Variants in SPECC1L observed in about 807,000 individuals in gnomAD.
SPECC1L encodes cytospin-A.
Under a neutral mutation model 116.8 loss-of-function variants are expected in SPECC1L, and 40 were observed. That is an observed-to-expected ratio of 0.34 (90% CI 0.27 to 0.45). The LOEUF is 0.45. Ranked by LOEUF, SPECC1L falls within the 20% of genes least tolerant of loss-of-function variation. The pLI is 1.00. For synonymous variants in SPECC1L, 504 were observed against 500.6 expected (o/e 1.01, Z -0.09); for missense variants, 1,110 against 1,373.6 (o/e 0.81, Z 3.03).
At chr22:24,403,291 T>G (rs2042516567) in intron 14 of SPECC1L, among the ~76,000 whole-genome samples, 1 of 152,192 alleles carries the variant, frequency 6.6e-6, no homozygotes, top group Non-Finnish European at 1.5e-5. Flanking sequence ...TCTCGTAGAG[T>G]AGAAAAGCTC....
chr22:24,381,862 C>T lies in SPECC1L; in HGVS notation c.3087+12542C>T, dbSNP rs1399544199. Among the ~76,000 whole-genome samples, 3 of 152,044 alleles carry T rather than the reference C, an allele frequency of 2.0e-5. No homozygotes were observed. In the East Asian group the frequency reaches 5.8e-4, roughly 29 times the overall value. ...TCGCACCACTGCACTCCAGTCTGGG[C>T]GACAGAGCGAGACTCTGTCTCAAAA... On this transcript the variant is annotated intron_variant, in intron 14 of 16. Transcript: ENST00000314328.
At chr22:24,361,496 A>G (rs1279766123) in intron 11 of SPECC1L, among the ~76,000 whole-genome samples, 1 of 152,218 alleles carries the variant, frequency 6.6e-6, no homozygotes, top group African/African-American at 2.4e-5. Context: ...TACTGAAAAT[A>G]CAGAAACAAG....
chr22:24,403,843 C>T (rs1324444826), intron 14 of SPECC1L, among the ~76,000 whole-genome samples: 2 of 152,156 alleles, frequency 1.3e-5, no homozygotes, highest in Non-Finnish European at 2.9e-5. Context: ...ATTTCATTTG[C>T]GAGGCATACG....
At chr22:24,392,970 TGTG>T (rs753002308) in intron 14 of SPECC1L, among the ~76,000 whole-genome samples, 11 of 152,160 alleles carry the variant, frequency 7.2e-5, no homozygotes, top group African/African-American at 2.4e-4. Context: ...TTCCTCAAAA[TGTG>T]GTGGCCACAT....
At chr22:24,305,924 CT>C (rs954188922) in intron 3 of SPECC1L, among the ~76,000 whole-genome samples, 1,950 of 144,320 alleles carry the variant, frequency 0.014, 10 homozygotes, top group South Asian at 0.026. Context: ...TTCATACAAT[CT>C]TTTTTTTTTT....
At chr22:24,395,784 A>G (rs922630290) in intron 14 of SPECC1L, among the ~76,000 whole-genome samples, 2 of 152,134 alleles carry the variant, frequency 1.3e-5, no homozygotes, top group African/African-American at 4.8e-5. Flanking sequence ...ATCAACAGGC[A>G]TGCACCACCA....
intron 14 of SPECC1L, among the ~76,000 whole-genome samples, chr22:24,382,116 G>A (rs2085179310): frequency 6.6e-6 from 1 of 152,166 alleles, no homozygotes. Flanking sequence ...TGTAAAAACT[G>A]TTTAAAATAC....
rs149735886 is a variant in SPECC1L at position 24,414,515 on chromosome 22, C to T, written c.3265-19C>T. 95 of 1,610,808 alleles carry T rather than the reference C, an allele frequency of 5.9e-5. No individual in the cohort carries two copies. In the Middle Eastern group the frequency reaches 6.6e-4, roughly 11 times the overall value. On this transcript the variant is annotated intron_variant, in intron 16 of 16. Transcript: ENST00000314328. ...GAGGTGACCTGCAGTTCTAACCAAG[C>T]GTCTTCCTTGTCTGTCAGGACATTA... is the stretch of plus-strand genomic sequence containing the variant.
chr22:24,285,649 T>G (rs2049028774), intron 2 of SPECC1L, among the ~76,000 whole-genome samples: 1 of 151,872 alleles, frequency 6.6e-6, no homozygotes, highest in Non-Finnish European at 1.5e-5. Context: ...TGTTGTTTTG[T>G]TTTGTTTTTT....
intron 14 of SPECC1L, among the ~76,000 whole-genome samples, chr22:24,409,634 A>G (rs1314033536): frequency 6.6e-6 from 1 of 152,186 alleles, no homozygotes; most frequent in Non-Finnish European, 1.5e-5. Flanking sequence ...GCCTGGAGAC[A>G]AAGTGAGATC....
intron 14 of SPECC1L, among the ~76,000 whole-genome samples, chr22:24,384,089 G>A (rs1464475347): frequency 1.3e-5 from 2 of 151,638 alleles, no homozygotes; most frequent in East Asian, 1.9e-4. Context: ...GTGAAGCACC[G>A]AGAAATGAAA....
rs1043734920 is a variant in SPECC1L at position 24,331,595 on chromosome 22, A to G, written c.2396+1164A>G. 4.6e-5 allele frequency among the ~76,000 whole-genome samples: 7 copies of G among 152,212 alleles called. No individual in the cohort carries two copies. The South Asian group carries it at 6.2e-4, about 14-fold the overall frequency. On this transcript the variant is annotated intron_variant, in intron 8 of 16. Transcript: ENST00000314328. ...TAAAATGCTTTCTGAAAGAGGTAGCATCTTGTAGGACAGTGGTTCTCAGAG... is the reference window on the plus strand; with the variant it reads ...TAAAATGCTTTCTGAAAGAGGTAGCGTCTTGTAGGACAGTGGTTCTCAGAG...
chr22:24,337,034 C>T (rs948884065), intron 9 of SPECC1L, among the ~76,000 whole-genome samples: 3 of 152,022 alleles, frequency 2.0e-5, no homozygotes, highest in Non-Finnish European at 2.9e-5. Context: ...CTGGGATGTT[C>T]GGGAGGTTAG....
rs541817253 is a variant in SPECC1L at position 24,274,601 on chromosome 22, A to G, written c.-141-2099A>G. On this transcript the variant is annotated intron_variant, in intron 1 of 16. Transcript: ENST00000314328. ...AGGAAATCTGTAAATAAGAGAAGAG[A>G]GTGAATATCTTTTAACAGTGTTTTT... 3.5e-4 allele frequency among the ~76,000 whole-genome samples: 54 copies of G among 152,232 alleles called. 1 individual carries two copies. Among genetic ancestry groups the G allele is most frequent in the Admixed American group, 2.9e-3 (44 of 15,286 alleles).
intron 1 of SPECC1L, among the ~76,000 whole-genome samples, chr22:24,274,042 G>A (rs556208005): frequency 6.6e-6 from 1 of 152,208 alleles, no homozygotes; most frequent in Non-Finnish European, 1.5e-5. Context: ...ACAGGCACTA[G>A]CCACCTCACC....
At chr22:24,353,637 A>G (rs1279000738) in intron 11 of SPECC1L, among the ~76,000 whole-genome samples, 1 of 151,608 alleles carries the variant, frequency 6.6e-6, no homozygotes, top group African/African-American at 2.4e-5. Context: ...TGAACTCCTG[A>G]CCTCAGGTGA....
chr22:24,275,135 T>C (rs2048810791), intron 1 of SPECC1L, among the ~76,000 whole-genome samples: 1 of 152,250 alleles, frequency 6.6e-6, no homozygotes, highest in African/African-American at 2.4e-5. Flanking sequence ...TGGCACCCTG[T>C]GCATTTGGGA....
At chr22:24,273,068 C>T (rs940813127) in intron 1 of SPECC1L, among the ~76,000 whole-genome samples, 2 of 152,142 alleles carry the variant, frequency 1.3e-5, no homozygotes, top group Non-Finnish European at 2.9e-5. Flanking sequence ...ATTACAATTA[C>T]AGTTGTAGTT....
chr22:24,322,848 C>T lies in SPECC1L; in HGVS notation c.1868C>T (p.Ala623Val), dbSNP rs1266252113. Reference protein sequence around the residue: ...RLDKEKAETLASSLQEDLAHT... With the variant: ...RLDKEKAETLVSSLQEDLAHT... ...GACAAAGAAAAAGCAGAGACTTTGG[C>T]TAGTAGCTTGCAGGAAGATCTGGCT... The change falls in exon 5 of 17, where the codon GCT (alanine) becomes GTT (valine). Residue 623 changes from alanine to valine, a missense_variant. Coordinates refer to ENST00000314328, the MANE Select transcript of SPECC1L (RefSeq NM_015330.6). 6.2e-7 allele frequency: 1 copy of T among 1,612,422 alleles called. No individual in the cohort carries two copies. Among genetic ancestry groups the T allele is most frequent in the Non-Finnish European group, 8.5e-7 (1 of 1,179,294 alleles).
Sources: gnomAD v4.1 joint callset for allele counts (sites outside exome capture counted in the v4.1 genomes callset) on GRCh38, gnomAD v4.1.1 for gene constraint, MANE v1.5 for transcripts, NCBI Gene and HGNC (gene_info 2026-07-23, HGNC 2026-07-21) for gene names.